HHIPL1: variants seen among roughly 807,000 people sequenced by gnomAD.
The protein encoded by HHIPL1 is HHIP-like protein 1.
In HHIPL1, 43 loss-of-function variants were observed where a neutral mutation model predicts 61.8. That is an observed-to-expected ratio of 0.70 (90% CI 0.55 to 0.90). The LOEUF (loss-of-function observed/expected upper bound fraction) is 0.90. Ranked by LOEUF, HHIPL1 falls within the 40% of genes least tolerant of loss-of-function variation. The probability of loss-of-function intolerance (pLI) is 0.00; values close to 1 mark genes in which losing one functional copy is unlikely to be tolerated. For missense variants in HHIPL1, 1,056 were observed against 1,157.7 expected, an observed-to-expected ratio of 0.91 and a Z score of 1.28; for synonymous variants, 482 against 515.8, an observed-to-expected ratio of 0.93 and a Z score of 0.89.
intron 2 of HHIPL1, among the ~76,000 whole-genome samples, chr14:99,656,785 AGAAAAG>A (rs2056036343): frequency 2.1e-5 from 1 of 47,200 alleles, no homozygotes; most frequent in Admixed American, 2.0e-4. Flanking sequence ...CAAAAAGAAA[AGAAAAG>A]AAAGAAAGAA....
the HHIPL1 span, among the ~76,000 whole-genome samples, chr14:99,639,653 GT>G: frequency 1.7e-4 from 26 of 151,258 alleles, no homozygotes; most frequent in Non-Finnish European, 2.9e-4. Context: ...GGTAGGCCTT[GT>G]TTTTTTGTTT....
At chr14:99,629,075 C>T in the HHIPL1 span, among the ~76,000 whole-genome samples, 1 of 152,274 alleles carries the variant, frequency 6.6e-6, no homozygotes, top group South Asian at 2.1e-4. Flanking sequence ...CATGTCCTTC[C>T]CAGACACCCG....
chr14:99,620,784 G>C, the HHIPL1 span, among the ~76,000 whole-genome samples: 1 of 152,256 alleles, frequency 6.6e-6, no homozygotes, highest in African/African-American at 2.4e-5. Context: ...AGGGGGGCCA[G>C]GCCTCTGGGC....
At chr14:99,661,097 G>A (rs560298072) in intron 5 of HHIPL1, among the ~76,000 whole-genome samples, 5 of 151,576 alleles carry the variant, frequency 3.3e-5, no homozygotes, top group Non-Finnish European at 7.4e-5. Flanking sequence ...ACCCTCCTTC[G>A]AGTCAGGCTC....
the HHIPL1 span, among the ~76,000 whole-genome samples, chr14:99,626,810 T>C: frequency 6.6e-6 from 1 of 152,206 alleles, no homozygotes; most frequent in African/African-American, 2.4e-5. Flanking sequence ...AAGCTGGGCC[T>C]GCAGGCTCCT....
chr14:99,643,186 C>T (rs1307906250), upstream of HHIPL1, among the ~76,000 whole-genome samples: 1 of 152,088 alleles, frequency 6.6e-6, no homozygotes. Context: ...ATTATAGGCG[C>T]GTGCCACCAC....
chr14:99,649,937 G>A (rs1306423187), intron 1 of HHIPL1, among the ~76,000 whole-genome samples: 1 of 152,252 alleles, frequency 6.6e-6, no homozygotes, highest in Non-Finnish European at 1.5e-5. Context: ...ACCATGGGAG[G>A]GACAGCACAC....
chr14:99,652,289 G>T lies in HHIPL1; in HGVS notation c.321G>T (p.Val107=), dbSNP rs1046463335. ...AEDPFTPLRT[V]PGLCQDYCLD... is the part of the protein sequence containing the mutation. ...ACCCATTCACGCCCCTGCGCACGGT[G>T]CCCGGGCTCTGCCAGGATTACTGCC... Residue 107 remains valine (V), a synonymous_variant, in exon 2 of 9, where the codon GTG becomes GTT. Transcript: ENST00000330710. The T allele has an allele frequency of 2.5e-6, 4 of 1,613,790 alleles. No homozygotes were observed. In the African/African-American group the frequency reaches 5.3e-5, roughly 22 times the overall value.
chr14:99,629,411 C>T, the HHIPL1 span, among the ~76,000 whole-genome samples: 7 of 152,282 alleles, frequency 4.6e-5, no homozygotes, highest in East Asian at 1.9e-4. Flanking sequence ...ACTGGCATCA[C>T]GCAGGGTTTT....
rs1566819628 is a variant in HHIPL1 at position 99,675,579 on chromosome 14, G to C, written c.2302G>C (p.Asp768His). The C allele has an allele frequency of 6.5e-7, 1 of 1,535,150 alleles. No individual in the cohort carries two copies. The highest frequency in any genetic ancestry group is 8.7e-7 in the Non-Finnish European group (1 of 1,144,592). ...CGTGGGCACCCACAACTGCGAGCAC[G>C]ACGAGGATGCGGGCGTCGTGTGCAG... The part of the protein sequence containing the change: ...NGVGTHNCEH[D>H]EDAGVVCSHQ... Residue 768 changes from aspartate (D) to histidine (H), a missense_variant, in exon 9 of 9, where the codon GAC (aspartate) becomes CAC (histidine). Asp to His is a moderately conservative substitution (Grantham distance 81). Transcript: ENST00000330710. This position sits in a 1 kb window ranked among gnomAD's most constrained non-coding sequence, Gnocchi z 5.4.
Position 99,665,948 on chromosome 14 carries a change from AT to A in HHIPL1, c.1649-2269del, listed in dbSNP as rs893809433. Among the ~76,000 whole-genome samples the A allele has an allele frequency of 2.8e-4, 43 of 151,686 alleles. 1 individual carries two copies. The highest frequency in any genetic ancestry group is 1.0e-3 in the African/African-American group (43 of 41,320). ...AGGTGCGCACCACCATGCCTGGCTA[AT>A]TTTTGTATTTTTAGTAGAGATGGGG... On this transcript the variant is annotated intron_variant, in intron 6 of 8. Transcript: ENST00000330710.
the HHIPL1 span, among the ~76,000 whole-genome samples, chr14:99,628,234 G>T: frequency 6.6e-6 from 1 of 152,204 alleles, no homozygotes; most frequent in African/African-American, 2.4e-5. Flanking sequence ...GGGCAGGTGT[G>T]CTGTGGCTTT....
chr14:99,652,448 C>G lies in HHIPL1; in HGVS notation c.480C>G (p.Tyr160Ter), dbSNP rs1374973568. The change falls in exon 2 of 9, where the codon TAC becomes TAG. Residue 160 changes from tyrosine to a stop codon, truncating the protein, a stop_gained. Coordinates refer to ENST00000330710, the MANE Select transcript of HHIPL1 (RefSeq NM_001127258.3). LOFTEE classifies it high-confidence loss of function. The part of the protein sequence containing the change: ...SLDDTDYCFP[Y>*]LLVNKNLNSN... ...ATGACACGGACTACTGCTTCCCTTA[C>G]CTGCTGGTCAACAAGAACCTCAACT... The G allele has an allele frequency of 5.6e-6, 9 of 1,614,182 alleles. No individual in the cohort carries two copies. Among genetic ancestry groups the G allele is most frequent in the Non-Finnish European group, 7.6e-6 (9 of 1,180,034 alleles).
rs572979321 is a variant in HHIPL1, at chr14:99,659,598, C to T, written c.1217C>T (p.Pro406Leu). 6.4e-7 allele frequency: 1 copy of T among 1,551,074 alleles called. No homozygotes were observed. Among genetic ancestry groups the T allele is most frequent in the Admixed American group, 1.9e-5 (1 of 53,232 alleles). The stretch of plus-strand genomic sequence containing the variant: ...CGCTGCTCCTTCGACCGTGGCGACC[C>T]CTCCTCGGGCACTGGCCGCGGGCGC... ...MWRCSFDRGD[P>L]SSGTGRGRLF... The change falls in exon 4 of 9, where the codon CCC (proline) becomes CTC (leucine). Residue 406 changes from proline to leucine, a missense_variant. Pro to Leu is a moderately conservative substitution (Grantham distance 98). Transcript: ENST00000330710.
At chr14:99,625,726 A>G in the HHIPL1 span, 1 of 152,186 alleles carries the variant, frequency 6.6e-6, no homozygotes, top group Non-Finnish European at 1.5e-5. Context: ...TATGAACATT[A>G]AACATTCAAC....
chr14:99,622,409 T>A, the HHIPL1 span, among the ~76,000 whole-genome samples: 1 of 152,092 alleles, frequency 6.6e-6, no homozygotes, highest in Non-Finnish European at 1.5e-5. Context: ...CAGCCCACAA[T>A]TTCCATCCTG....
chr14:99,627,103 G>A, the HHIPL1 span, among the ~76,000 whole-genome samples: 1 of 151,668 alleles, frequency 6.6e-6, no homozygotes, highest in Non-Finnish European at 1.5e-5. This position sits in a 1 kb window ranked among gnomAD's most constrained non-coding sequence, Gnocchi z 4.4. Flanking sequence ...CATCTATCCA[G>A]CTATCCATCC....
the HHIPL1 span, among the ~76,000 whole-genome samples, chr14:99,620,325 G>T: frequency 1.3e-5 from 2 of 152,226 alleles, no homozygotes; most frequent in African/African-American, 2.4e-5. Flanking sequence ...GACAACGAAG[G>T]GCTTCTGGCC....
rs776085652 is a variant in HHIPL1 at position 99,645,329 on chromosome 14, A to T, written c.122A>T (p.Gln41Leu). ...RPTQPLRLCA[Q>L]YSDFGCCDEG... is the part of the protein sequence containing the mutation. ...ACGCAGCCGCTGCGCCTCTGCGCGCAGTACTCGGACTTCGGCTGCTGCGAT... is the reference window on the plus strand; with the variant it reads ...ACGCAGCCGCTGCGCCTCTGCGCGCTGTACTCGGACTTCGGCTGCTGCGAT... The change falls in exon 1 of 9, where the codon CAG (glutamine) becomes CTG (leucine). Residue 41 changes from glutamine (Q) to leucine (L), a missense_variant. Transcript: ENST00000330710. The T allele has an allele frequency of 1.9e-5, 28 of 1,459,330 alleles. No individual in the cohort carries two copies. The South Asian group carries it at 3.7e-4, about 19-fold the overall frequency. The allele number at this position is 1,459,330 out of a possible 1,614,324, so 90.4% of individuals were successfully genotyped here.
Sources: gnomAD v4.1 joint callset for allele counts (sites outside exome capture counted in the v4.1 genomes callset) on GRCh38, gnomAD v4.1.1 for gene constraint, Gnocchi (gnomAD v3.1) non-coding constraint, MANE v1.5 for transcripts, NCBI Gene and HGNC (gene_info 2026-07-23, HGNC 2026-07-21) for gene names.